Variants in ANKS3 observed in about 807,000 individuals in gnomAD.
ANKS3 encodes the protein ankyrin repeat and SAM domain-containing protein 3.
In ANKS3, 62 loss-of-function variants were observed where a neutral mutation model predicts 80.7. That is an observed-to-expected ratio of 0.77 (90% CI 0.63 to 0.95). The LOEUF is 0.95. Ranked by LOEUF, ANKS3 falls within the 40% of genes least tolerant of loss-of-function variation. The probability of loss-of-function intolerance (pLI) is 0.00; values close to 1 mark genes in which losing one functional copy is unlikely to be tolerated. For synonymous variants in ANKS3, 489 were observed against 355.3 expected (o/e 1.38, Z -4.23); for missense variants, 1,150 against 883.6 (o/e 1.30, Z -3.82).
chr16:4,722,576 A>C (rs1237449370), intron 6 of ANKS3, among the ~76,000 whole-genome samples: 2 of 133,808 alleles, frequency 1.5e-5, no homozygotes, highest in Non-Finnish European at 3.2e-5. Context: ...ACTCAGTCTC[A>C]AAAAAAAAAA....
At chr16:4,727,421 C>A in intron 3 of ANKS3, 1 of 569,090 alleles carries the variant, frequency 1.8e-6, no homozygotes, top group Non-Finnish European at 3.2e-6. Flanking sequence ...TAGCCCAAGG[C>A]CAGCTATGCT....
intron 1 of ANKS3, 103 bp downstream of exon 1, chr16:4,733,835 C>T: frequency 1.3e-6 from 1 of 773,924 alleles, no homozygotes; most frequent in Non-Finnish European, 1.6e-6. Flanking sequence ...CAGAGGAGGT[C>T]TGTGAAAGCA....
intron 8 of ANKS3, 44 bp downstream of exon 8, chr16:4,705,051 G>A (rs1445068402): frequency 1.2e-6 from 2 of 1,601,034 alleles, no homozygotes; most frequent in Non-Finnish European, 1.7e-6. Context: ...ACAAAATCCT[G>A]GTATGCAATG....
In ANKS3 at chr16:4,717,559, GA is replaced by G. The variant is rs745722214; in HGVS notation, c.574-3374del. On this transcript the variant is annotated intron_variant, in intron 6 of 17. Coordinates refer to ENST00000304283, the MANE Select transcript of ANKS3 (RefSeq NM_133450.4). ...GCGACAGAGGGCGACTCCATCTCAA[GA>G]AAAAAAAAAAATTCTAGTTTAAGTT... 394 of 143,422 alleles carry G rather than the reference GA, an allele frequency of 2.7e-3. 3 individuals carry two copies. Among genetic ancestry groups the G allele is most frequent in the African/African-American group, 8.7e-3 (340 of 39,248 alleles). 8.9% of individuals were successfully genotyped at this position (143,422 alleles called of 1,614,324 possible).
intron 5 of ANKS3, among the ~76,000 whole-genome samples, 169 bp downstream of exon 5, chr16:4,726,490 G>A (rs2081359779): frequency 6.6e-6 from 1 of 152,230 alleles, no homozygotes; most frequent in South Asian, 2.1e-4. Context: ...TCTCACAGAT[G>A]TACGAAAAGG....
intron 6 of ANKS3, among the ~76,000 whole-genome samples, chr16:4,721,710 C>G (rs1017165357): frequency 6.6e-6 from 1 of 151,144 alleles, no homozygotes; most frequent in African/African-American, 2.4e-5. Flanking sequence ...AACATCTTGG[C>G]TCATCGCAAC....
intron 6 of ANKS3, among the ~76,000 whole-genome samples, chr16:4,716,049 A>G (rs559693953): frequency 6.6e-6 from 1 of 152,180 alleles, no homozygotes; most frequent in East Asian, 1.9e-4. Flanking sequence ...TAGGGTGCAC[A>G]AAACATCATT....
chr16:4,699,111 G>A lies in ANKS3; in HGVS notation c.1350C>T (p.Asp450=), dbSNP rs377633164. Residue 450 remains aspartate, a synonymous_variant, in exon 12 of 18, where the codon GAC becomes GAT. Coordinates refer to ENST00000304283, the MANE Select transcript of ANKS3 (RefSeq NM_133450.4). ...LKYLQVFEEQ[D]VDLRIFLTLT... is the part of the protein sequence containing the mutation. Reference sequence around the variant, plus strand: ...GGGTCAGAAAGATGCGGAGGTCCACGTCCTGCTCCTCAAACACCTGCAGGT... The same window carrying A: ...GGGTCAGAAAGATGCGGAGGTCCACATCCTGCTCCTCAAACACCTGCAGGT... 5.6e-5 allele frequency: 91 copies of A among 1,614,016 alleles called. No individual in the cohort carries two copies. Among genetic ancestry groups the A allele is most frequent in the Non-Finnish European group, 6.6e-5 (78 of 1,180,036 alleles).
chr16:4,728,005 T>C (rs973513969), intron 3 of ANKS3: 7 of 152,212 alleles, frequency 4.6e-5, no homozygotes, highest in Admixed American at 6.6e-5. Context: ...GGATAACAAC[T>C]GGTGACTGAA....
intron 8 of ANKS3, among the ~76,000 whole-genome samples, chr16:4,704,487 C>G (rs1041853769): frequency 6.6e-6 from 1 of 152,126 alleles, no homozygotes; most frequent in African/African-American, 2.4e-5. Flanking sequence ...GCACCAAACC[C>G]AACTCCCCTA....
chr16:4,700,622 C>T (rs531477638), intron 11 of ANKS3: 2 of 398,038 alleles, frequency 5.0e-6, no homozygotes, highest in East Asian at 1.2e-4. Context: ...ACCAAGCACA[C>T]ACTGTGTGTA....
At chr16:4,729,020 CGCT>C (rs2081494701) in intron 3 of ANKS3, among the ~76,000 whole-genome samples, 1 of 152,118 alleles carries the variant, frequency 6.6e-6, no homozygotes, top group Non-Finnish European at 1.5e-5. Flanking sequence ...GAAGAGAGGT[CGCT>C]GCACCACAAT....
Position 4,701,543 on chromosome 16 carries a change from T to C in ANKS3, c.1010A>G (p.Glu337Gly). 6.2e-7 allele frequency: 1 copy of C among 1,607,544 alleles called. No homozygotes were observed. The highest frequency in any genetic ancestry group is 8.5e-7 in the Non-Finnish European group (1 of 1,176,568). The change falls in exon 10 of 18, where the codon GAG becomes GGG. Residue 337 changes from glutamate (E) to glycine (G), a missense_variant and splice_region_variant. Transcript: ENST00000304283. ...CAGGTTGGCACAGAAAGCATGTTCC[T>C]CTGAGGGCGGGAAGACAGGGCGTCC... ...VESSSSSSSREEHAFCANLGP... is the reference protein window; with the variant it reads ...VESSSSSSSRGEHAFCANLGP...
At chr16:4,705,470 A>C (rs2080133683) in intron 7 of ANKS3, among the ~76,000 whole-genome samples, 1 of 152,058 alleles carries the variant, frequency 6.6e-6, no homozygotes, top group Admixed American at 6.5e-5. Context: ...GGGAAGTTTC[A>C]TTTTTCTTGA....
chr16:4,717,980 G>A (rs113469312), intron 6 of ANKS3, among the ~76,000 whole-genome samples: 5,044 of 152,194 alleles, frequency 0.033, 114 homozygotes, highest in Non-Finnish European at 0.053. Context: ...TCACCATGTT[G>A]GCCAGGCTGG....
At chr16:4,705,629 G>GTT (rs950823586) in intron 7 of ANKS3, among the ~76,000 whole-genome samples, 2 of 149,146 alleles carry the variant, frequency 1.3e-5, no homozygotes, top group Admixed American at 6.7e-5. Flanking sequence ...CATGCCCAGT[G>GTT]TTTTTTTTCT....
chr16:4,698,191 G>T, intron 14 of ANKS3, 129 bp from the exon 15 acceptor site: 2 of 1,208,008 alleles, frequency 1.7e-6, no homozygotes, highest in Admixed American at 2.5e-5. Flanking sequence ...GGCTGGGCCA[G>T]TGCCCCATGA....
At chr16:4,720,143 C>A (rs574203481) in intron 6 of ANKS3, among the ~76,000 whole-genome samples, 124 of 93,176 alleles carry the variant, frequency 1.3e-3, no homozygotes, top group Non-Finnish European at 1.3e-3. Context: ...GCCTTGGGGA[C>A]AGAGCAAGAC....
intron 5 of ANKS3, among the ~76,000 whole-genome samples, chr16:4,726,416 A>C (rs2081355057): frequency 6.6e-6 from 1 of 152,236 alleles, no homozygotes; most frequent in Non-Finnish European, 1.5e-5. Context: ...TAATTCTTAC[A>C]ACTGTATGAC....
Sources: gnomAD v4.1 joint callset for allele counts (sites outside exome capture counted in the v4.1 genomes callset) on GRCh38, gnomAD v4.1.1 for gene constraint, MANE v1.5 for transcripts, NCBI Gene and HGNC (gene_info 2026-07-23, HGNC 2026-07-21) for gene names.